The following DAAM1 variants were observed in gnomAD, a reference collection of about 807,000 sequenced individuals.
DAAM1 encodes disheveled-associated activator of morphogenesis 1.
Under a neutral mutation model 130.0 loss-of-function variants are expected in DAAM1, and 52 were observed. That is an observed-to-expected ratio of 0.40 (90% CI 0.32 to 0.50). The LOEUF (loss-of-function observed/expected upper bound fraction) is 0.50, where lower values mean the gene tolerates loss of function less well. DAAM1 is among the 20% of genes least tolerant of loss of function. The pLI is 0.61. For synonymous variants in DAAM1, 452 were observed against 444.5 expected (o/e 1.02, Z -0.21); for missense variants, 1,134 against 1,303.8 (o/e 0.87, Z 2.01).
chr14:59,211,638 A>G (rs1422800334), intron 1 of DAAM1, among the ~76,000 whole-genome samples: 2 of 152,248 alleles, frequency 1.3e-5, no homozygotes, highest in Admixed American at 1.3e-4. Context: ...GACCGAAGGA[A>G]CAGAATTTCC....
intron 1 of DAAM1, among the ~76,000 whole-genome samples, chr14:59,228,189 T>C (rs748767844): frequency 6.6e-6 from 1 of 152,128 alleles, no homozygotes; most frequent in Non-Finnish European, 1.5e-5. Flanking sequence ...GATGGGAAAA[T>C]GTAATCACAG....
intron 1 of DAAM1, among the ~76,000 whole-genome samples, chr14:59,217,555 G>T (rs1174699132): frequency 6.6e-6 from 1 of 152,084 alleles, no homozygotes; most frequent in Non-Finnish European, 1.5e-5. Context: ...TAAAGTTAAG[G>T]GCTAGGCATG....
rs1882273458 is a variant in DAAM1 at position 59,263,463 on chromosome 14, G to A, written c.-15G>A. 2 of 1,614,092 alleles carry A rather than the reference G, an allele frequency of 1.2e-6. No individual in the cohort carries two copies. The highest frequency in any genetic ancestry group is 2.2e-5 in the East Asian group (1 of 44,880). On this transcript the variant is annotated 5_prime_UTR_variant, in exon 2 of 25. Coordinates refer to ENST00000360909, the MANE Select transcript of DAAM1 (RefSeq NM_001270520.2). Reference sequence around the variant, plus strand: ...CAGCGTTTAGTCACATCAAGAAATAGAACAGAATTCAGCCATGGCCCCAAG... The same window carrying A: ...CAGCGTTTAGTCACATCAAGAAATAAAACAGAATTCAGCCATGGCCCCAAG...
chr14:59,253,771 C>T (rs1881749266), intron 1 of DAAM1, among the ~76,000 whole-genome samples: 1 of 152,186 alleles, frequency 6.6e-6, no homozygotes, highest in Admixed American at 6.5e-5. Flanking sequence ...TACTCACTTC[C>T]CCAGGGGACC....
chr14:59,212,989 T>C (rs1331305936), intron 1 of DAAM1, among the ~76,000 whole-genome samples: 3 of 152,138 alleles, frequency 2.0e-5, no homozygotes, highest in Non-Finnish European at 4.4e-5. Context: ...ATTCACATGC[T>C]TATGAATGAA....
chr14:59,332,413 T>G (rs1885477122), intron 15 of DAAM1, among the ~76,000 whole-genome samples: 1 of 152,178 alleles, frequency 6.6e-6, no homozygotes, highest in African/African-American at 2.4e-5. Flanking sequence ...AGATGGAACT[T>G]AGGAGTTTTT....
At chr14:59,319,234 G>A (rs767456665) in intron 4 of DAAM1, among the ~76,000 whole-genome samples, 2 of 152,138 alleles carry the variant, frequency 1.3e-5, no homozygotes, top group Non-Finnish European at 2.9e-5. Context: ...CAACTTTGCA[G>A]AAACAATAAC....
chr14:59,269,717 G>A (rs1420592551), intron 2 of DAAM1, among the ~76,000 whole-genome samples: 1 of 152,150 alleles, frequency 6.6e-6, no homozygotes, highest in East Asian at 1.9e-4. Flanking sequence ...CTTCCTCGGG[G>A]AAGTGACATT....
chr14:59,296,190 T>C (rs1162342143), intron 3 of DAAM1, among the ~76,000 whole-genome samples: 1 of 152,234 alleles, frequency 6.6e-6, no homozygotes, highest in African/African-American at 2.4e-5. Context: ...GGAAGCACAG[T>C]AGCTGCAGGA....
At chr14:59,243,505 G>A (rs1192573518) in intron 1 of DAAM1, among the ~76,000 whole-genome samples, 2 of 152,162 alleles carry the variant, frequency 1.3e-5, no homozygotes, top group African/African-American at 4.8e-5. Flanking sequence ...CCACATCCAT[G>A]TGCAGATCAG....
intron 1 of DAAM1, among the ~76,000 whole-genome samples, chr14:59,205,708 A>T (rs896184419): frequency 3.0e-4 from 46 of 152,362 alleles, no homozygotes; most frequent in African/African-American, 1.0e-3. Flanking sequence ...TTCTGTTTTT[A>T]AAAACGCAAC....
chr14:59,213,349 C>CAAAA (rs35496333), intron 1 of DAAM1, among the ~76,000 whole-genome samples: 23 of 69,880 alleles, frequency 3.3e-4, no homozygotes, highest in East Asian at 1.3e-3. Flanking sequence ...CACAGCTTAC[C>CAAAA]AAAAAAAAAA....
At position 59,324,076 on chromosome 14, in the gene DAAM1, A is replaced by G. The variant is rs977919362; in HGVS notation, c.775-52A>G. 43 of 1,182,436 alleles carry G rather than the reference A, an allele frequency of 3.6e-5. No individual in the cohort carries two copies. In the African/African-American group the frequency reaches 6.4e-4, roughly 18 times the overall value. 73.2% of individuals were successfully genotyped at this position (1,182,436 alleles called of 1,614,324 possible). Reference sequence around the variant, plus strand: ...TTTTGAGTATAAAAAAATTCATAAAATGAGCATAAGGTTAGTAACGTTTCA... The same window carrying G: ...TTTTGAGTATAAAAAAATTCATAAAGTGAGCATAAGGTTAGTAACGTTTCA... On this transcript the variant is annotated intron_variant, in intron 6 of 24. Coordinates refer to ENST00000360909, the MANE Select transcript of DAAM1 (RefSeq NM_001270520.2).
At chr14:59,329,832 C>T (rs185176552) in intron 12 of DAAM1, among the ~76,000 whole-genome samples, 9 of 152,336 alleles carry the variant, frequency 5.9e-5, no homozygotes, top group Non-Finnish European at 1.2e-4. Context: ...CCATGATTTT[C>T]GCGTTCTACT....
rs182045251 is a variant in DAAM1, at chr14:59,326,809, A to G, written c.1314-124A>G. 8.5e-4 allele frequency: 1,286 copies of G among 1,506,834 alleles called. 4 individuals are homozygous for G. The highest frequency in any genetic ancestry group is 1.1e-3 in the Non-Finnish European group (1,165 of 1,106,770). The allele number at this position is 1,506,834 out of a possible 1,614,324, so 93.3% of individuals were successfully genotyped here. On this transcript the variant is annotated intron_variant, in intron 11 of 24. Transcript: ENST00000360909. ...ATAGCTAAGTAACATCTGGTCTTAA[A>G]TGGGTTTCAAGCATGCACTGAGGAT...
At chr14:59,321,361 G>A (rs1885000900) in intron 5 of DAAM1, among the ~76,000 whole-genome samples, 1 of 152,180 alleles carries the variant, frequency 6.6e-6, no homozygotes, top group Non-Finnish European at 1.5e-5. Flanking sequence ...ATTAGCTAGT[G>A]TTGTTGGTCA....
chr14:59,350,388 A>C (rs1886245111), intron 17 of DAAM1, among the ~76,000 whole-genome samples: 1 of 151,976 alleles, frequency 6.6e-6, no homozygotes, highest in South Asian at 2.1e-4. Flanking sequence ...ATCTGCACAC[A>C]TATACCACAC....
chr14:59,326,092 G>A lies in DAAM1; in HGVS notation c.1174+15G>A. On this transcript the variant is annotated intron_variant, in intron 10 of 24. Coordinates refer to ENST00000360909, the MANE Select transcript of DAAM1 (RefSeq NM_001270520.2). The stretch of plus-strand genomic sequence containing the variant: ...CCAAATGCCTTGTAAGTGTGTTCGT[G>A]ACTCACATGTGTGCTTCTGAATGTT... 1 of 1,606,550 alleles carries A rather than the reference G, an allele frequency of 6.2e-7. No homozygotes were observed. Among genetic ancestry groups the A allele is most frequent in the Non-Finnish European group, 8.5e-7 (1 of 1,173,124 alleles).
At chr14:59,204,965 C>A (rs1289586136) in intron 1 of DAAM1, among the ~76,000 whole-genome samples, 1 of 152,200 alleles carries the variant, frequency 6.6e-6, no homozygotes, top group Non-Finnish European at 1.5e-5. Context: ...ATGATCCCCC[C>A]ATCAGATTTA....
Sources: gnomAD v4.1 joint callset for allele counts (sites outside exome capture counted in the v4.1 genomes callset) on GRCh38, gnomAD v4.1.1 for gene constraint, MANE v1.5 for transcripts, NCBI Gene and HGNC (gene_info 2026-07-23, HGNC 2026-07-21) for gene names.